The following BCAP29 variants were observed in gnomAD, a reference collection of about 807,000 sequenced individuals.
BCAP29 encodes B cell receptor associated protein 29.
A neutral mutation model predicts 31.8 loss-of-function variants in BCAP29; 34 were observed. That is an observed-to-expected ratio of 1.07 (90% confidence interval 0.81 to 1.42). BCAP29 has a LOEUF of 1.42. Ranked by LOEUF, BCAP29 falls within the 40% of genes most tolerant of loss-of-function variation. The pLI, the probability that BCAP29 is intolerant of heterozygous loss-of-function variation, is 0.00. For missense variants in BCAP29, 314 were observed against 269.2 expected (o/e 1.17, Z -1.16); for synonymous variants, 104 against 91.3 (o/e 1.14, Z -0.79).
intron 6 of BCAP29, among the ~76,000 whole-genome samples, chr7:107,604,746 CATA>C (rs1811782352): frequency 6.9e-6 from 1 of 144,960 alleles, no homozygotes; most frequent in Non-Finnish European, 1.5e-5. Context: ...AAGAAAAAAA[CATA>C]TTATTTGTTT....
intron 6 of BCAP29, among the ~76,000 whole-genome samples, chr7:107,603,757 C>T (rs547988363): frequency 6.6e-6 from 1 of 151,870 alleles, no homozygotes; most frequent in Admixed American, 6.6e-5. Flanking sequence ...ATGTGTGCAC[C>T]ACCATGCCCG....
intron 1 of BCAP29, 108 bp downstream of exon 1, chr7:107,580,409 G>T (rs1033667469): frequency 1.7e-5 from 4 of 238,244 alleles, no homozygotes; most frequent in Non-Finnish European, 3.2e-5. Context: ...GACCCGGCCC[G>T]GCCCGGTCCG....
chr7:107,610,975 G>A (rs1303644341), intron 6 of BCAP29, among the ~76,000 whole-genome samples: 1 of 152,122 alleles, frequency 6.6e-6, no homozygotes, highest in Non-Finnish European at 1.5e-5. Flanking sequence ...ATTTCTCACG[G>A]TTCTGGTGGC....
At chr7:107,612,360 C>T (rs1813268012) in intron 6 of BCAP29, among the ~76,000 whole-genome samples, 1 of 141,318 alleles carries the variant, frequency 7.1e-6, no homozygotes, top group South Asian at 2.1e-4. Context: ...ACATATTTTG[C>T]TCATTAGCAC....
At chr7:107,618,264 T>G (rs1814545833) in intron 7 of BCAP29, 64 bp from the exon 8 acceptor site, 1 of 1,208,628 alleles carries the variant, frequency 8.3e-7, no homozygotes, top group South Asian at 1.8e-5. Context: ...TTAAAAGTCC[T>G]TGTCATGTCT....
rs1053655055 is a variant in BCAP29, at chr7:107,607,652, T to C, written c.590-5680T>C. 6.1e-5 allele frequency among the ~76,000 whole-genome samples: 9 copies of C among 148,342 alleles called. No individual in the cohort carries two copies. The South Asian group carries it at 1.5e-3, about 25-fold the overall frequency. Reference sequence around the variant, plus strand: ...TTCTTTTTCTTTTTTTTTTTTTTTTTCCGAGACAGATTCTCCCTTTGTAGT... The same window carrying C: ...TTCTTTTTCTTTTTTTTTTTTTTTTCCCGAGACAGATTCTCCCTTTGTAGT... On this transcript the variant is annotated intron_variant, in intron 6 of 7. Coordinates refer to ENST00000005259, the MANE Select transcript of BCAP29 (RefSeq NM_018844.4).
Position 107,603,756 on chromosome 7 carries a change from C to A in BCAP29, c.589+3251C>A, listed in dbSNP as rs117381359. Among the ~76,000 whole-genome samples the A allele has an allele frequency of 1.1e-3, 161 of 151,892 alleles. 1 individual carries two copies. In the East Asian group the frequency reaches 0.03, roughly 28 times the overall value. ...GAGTAGCTGGGACTACATGTGTGCA[C>A]CACCATGCCCGCCTAATTTTTTTGA... On this transcript the variant is annotated intron_variant, in intron 6 of 7. Coordinates refer to ENST00000005259, the MANE Select transcript of BCAP29 (RefSeq NM_018844.4).
At chr7:107,586,245 G>A (rs1170013609) in intron 3 of BCAP29, among the ~76,000 whole-genome samples, 2 of 152,018 alleles carry the variant, frequency 1.3e-5, no homozygotes, top group Admixed American at 6.6e-5. Flanking sequence ...TGCCAGGTGT[G>A]GTACCCATTC....
chr7:107,596,220 C>T (rs371557944), intron 5 of BCAP29, among the ~76,000 whole-genome samples: 9 of 152,046 alleles, frequency 5.9e-5, no homozygotes, highest in East Asian at 5.8e-4. Context: ...TTTGCTTTTT[C>T]TCCATAGTGG....
intron 7 of BCAP29, among the ~76,000 whole-genome samples, chr7:107,614,856 C>T (rs1338276695): frequency 6.6e-6 from 1 of 152,122 alleles, no homozygotes; most frequent in African/African-American, 2.4e-5. Flanking sequence ...AAATAGAGAC[C>T]CTAAAATTGC....
In BCAP29 at chr7:107,612,436, TA is replaced by T. The variant is rs1352468737; in HGVS notation, c.590-895del. On this transcript the variant is annotated intron_variant, in intron 6 of 7. Transcript: ENST00000005259. ...ATATATATATATATATATATATATA[TA>T]TATTTATTTTACTTCTATCTAAGGC... 2.2e-3 allele frequency among the ~76,000 whole-genome samples: 225 copies of T among 103,286 alleles called. 5 individuals carry two copies. The highest frequency in any genetic ancestry group is 0.011 in the East Asian group (39 of 3,514). The allele number at this position is 103,286 out of a possible 152,430, so 67.8% of individuals were successfully genotyped here.
At chr7:107,622,036 T>G (rs1382593019), downstream of BCAP29, 2 of 440,626 alleles carry the variant, frequency 4.5e-6, no homozygotes, top group Non-Finnish European at 9.3e-6. Flanking sequence ...AAAGATAGCC[T>G]TAGCCATCTC....
At chr7:107,610,952 A>G (rs1161475884) in intron 6 of BCAP29, among the ~76,000 whole-genome samples, 1 of 152,208 alleles carries the variant, frequency 6.6e-6, no homozygotes, top group East Asian at 1.9e-4. Flanking sequence ...TAGCTTATAA[A>G]CAACAGAAAT....
At chr7:107,580,702 C>G in intron 1 of BCAP29, 57 bp from the exon 2 acceptor site, 1 of 1,310,616 alleles carries the variant, frequency 7.6e-7, no homozygotes, top group Non-Finnish European at 1.1e-6. Flanking sequence ...GCCTCGGGGC[C>G]TTGAACCCGG....
chr7:107,587,024 C>T (rs927205499), intron 3 of BCAP29, among the ~76,000 whole-genome samples: 7 of 152,262 alleles, frequency 4.6e-5, no homozygotes, highest in South Asian at 2.1e-4. Flanking sequence ...AGCCACTGCA[C>T]CCAGCCAAAA....
chr7:107,610,561 C>G (rs988537300), intron 6 of BCAP29, among the ~76,000 whole-genome samples: 2 of 152,134 alleles, frequency 1.3e-5, no homozygotes, highest in Non-Finnish European at 2.9e-5. Context: ...CAAGATGTGT[C>G]TAGACAATAA....
At position 107,618,577 on chromosome 7, in the gene BCAP29, G is replaced by T. The variant is rs1454481262; in HGVS notation, c.*214G>T. 6.3e-7 allele frequency: 1 copy of T among 1,593,434 alleles called. No individual in the cohort carries two copies. Among genetic ancestry groups the T allele is most frequent in the Non-Finnish European group, 8.6e-7 (1 of 1,163,798 alleles). ...ATTCCAGCTCTTAAGAAAAATATAA[G>T]CATGTTAAATACCATATTTACATAT... On this transcript the variant is annotated 3_prime_UTR_variant, in exon 8 of 8. Coordinates refer to ENST00000005259, the MANE Select transcript of BCAP29 (RefSeq NM_018844.4).
chr7:107,589,475 A>G (rs1808330402), intron 3 of BCAP29, among the ~76,000 whole-genome samples: 1 of 152,148 alleles, frequency 6.6e-6, no homozygotes, highest in Non-Finnish European at 1.5e-5. Flanking sequence ...GCAGTTCACA[A>G]AAGGGCTTCC....
At chr7:107,617,980 C>A (rs553444401) in intron 7 of BCAP29, among the ~76,000 whole-genome samples, 10 of 152,268 alleles carry the variant, frequency 6.6e-5, no homozygotes, top group African/African-American at 1.9e-4. Context: ...ACCAAAGCCA[C>A]CCTAGCTGAG....
Sources: gnomAD v4.1 joint callset for allele counts (sites outside exome capture counted in the v4.1 genomes callset) on GRCh38, gnomAD v4.1.1 for gene constraint, MANE v1.5 for transcripts, NCBI Gene and HGNC (gene_info 2026-07-23, HGNC 2026-07-21) for gene names.